Variants in TTC38 observed in about 807,000 individuals in gnomAD.
TTC38 encodes tetratricopeptide repeat protein 38.
A neutral mutation model predicts 64.2 loss-of-function variants in TTC38; 64 were observed. The ratio of observed to expected loss-of-function variants is 1.00; its 90% CI spans 0.81 to 1.23. The LOEUF (loss-of-function observed/expected upper bound fraction) is 1.23, where lower values mean the gene tolerates loss of function less well. Ranked by LOEUF, TTC38 falls within the 50% of genes most tolerant of loss-of-function variation. The pLI is 0.00. For synonymous variants in TTC38, 254 were observed against 249.3 expected, an observed-to-expected ratio of 1.02 and a Z score of -0.18; for missense variants, 573 against 615.5, an observed-to-expected ratio of 0.93 and a Z score of 0.73.
chr22:46,288,256 C>G (rs979270576), intron 10 of TTC38, among the ~76,000 whole-genome samples, 167 bp from the exon 11 acceptor site: 1 of 152,168 alleles, frequency 6.6e-6, no homozygotes, highest in Admixed American at 6.5e-5. Flanking sequence ...CTGATAGAGG[C>G]CTAAGCACAA....
At position 46,274,735 on chromosome 22, in the gene TTC38, GT is replaced by G. The variant is rs61369977; in HGVS notation, c.366-498del. 0.15 allele frequency among the ~76,000 whole-genome samples: 21,084 copies of G among 144,752 alleles called. 3,423 individuals are homozygous for G. Among genetic ancestry groups the G allele is most frequent in the African/African-American group, 0.41 (16,296 of 39,976 alleles). The allele number at this position is 144,752 out of a possible 152,430, so 95.0% of individuals were successfully genotyped here. On this transcript the variant is annotated intron_variant, in intron 4 of 13. Coordinates refer to ENST00000381031, the MANE Select transcript of TTC38 (RefSeq NM_017931.4). The surrounding 1 kb of genome is among the most constrained non-coding windows in gnomAD (Gnocchi z 4.8). ...TTATCTTTGGCAATTTGTTAAACCA[GT>G]TTTTTTTTTTTTTTAAATTGAACTA...
chr22:46,288,400 G>C (rs769018095), intron 10 of TTC38, 23 bp from the exon 11 acceptor site: 1 of 1,608,044 alleles, frequency 6.2e-7, no homozygotes, highest in Non-Finnish European at 8.5e-7. Context: ...TCCAGGCCCT[G>C]GGTCTCCTCC....
chr22:46,286,458 C>T (rs1202513423), intron 9 of TTC38, among the ~76,000 whole-genome samples: 4 of 152,112 alleles, frequency 2.6e-5, no homozygotes, highest in Non-Finnish European at 4.4e-5. Context: ...GTCAGGAGTT[C>T]GAGACCAACC....
In TTC38 at chr22:46,273,669, C is replaced by A. The variant is rs1012319770; in HGVS notation, c.194-229C>A. Among the ~76,000 whole-genome samples, 2 of 152,198 alleles carry A rather than the reference C, an allele frequency of 1.3e-5. No homozygotes were observed. Among genetic ancestry groups the A allele is most frequent in the Non-Finnish European group, 2.9e-5 (2 of 68,036 alleles). On this transcript the variant is annotated intron_variant, in intron 3 of 13. Transcript: ENST00000381031. The surrounding 1 kb of genome is among the most constrained non-coding windows in gnomAD (Gnocchi z 5.1). ...TTAGACACTGGCACTCAGCAGAATG[C>A]CCTCACTAGAAAAATGTTCAAGGGT...
rs1388817745 is a variant in TTC38, at chr22:46,289,559, C to A, written c.1240C>A (p.Gln414Lys). The A allele has an allele frequency of 1.3e-6, 2 of 1,577,710 alleles. No homozygotes were observed. Among genetic ancestry groups the A allele is most frequent in the Admixed American group, 3.5e-5 (2 of 57,516 alleles). Residue 414 changes from glutamine to lysine, a missense_variant and splice_region_variant, in exon 12 of 14, where the codon CAG becomes AAG. Gln to Lys is a moderately conservative substitution (Grantham distance 53, BLOSUM62 1). Around this residue, in one of 3 missense-constraint regions of TTC38, gnomAD observed 371 missense variants for 381.8 expected, o/e 0.97. Transcript: ENST00000381031. ...CGTCCAGCTCGGTGGGAGCAATGCC[C>A]AGGTGAGCCGATGGCCGCCAGCTGG... Reference protein sequence around the residue: ...RIVQLGGSNAQRDVFNQLLIH... With the variant: ...RIVQLGGSNAKRDVFNQLLIH...
In TTC38 at chr22:46,282,257, T is replaced by TA. The variant is rs1431013887; in HGVS notation, c.735+540dup. The TA allele has an allele frequency of 3.7e-6, 1 of 273,100 alleles. No homozygotes were observed. Among genetic ancestry groups the TA allele is most frequent in the African/African-American group, 2.2e-5 (1 of 44,596 alleles). 16.9% of individuals were successfully genotyped at this position (273,100 alleles called of 1,614,324 possible). A position where few individuals can be genotyped will look rare whatever the true frequency, so the allele number is the denominator to read the frequency against. On this transcript the variant is annotated intron_variant, in intron 7 of 13. Coordinates refer to ENST00000381031, the MANE Select transcript of TTC38 (RefSeq NM_017931.4). This position sits in a 1 kb window ranked among gnomAD's most constrained non-coding sequence, Gnocchi z 4.4. ...GCCTGTGAGGGAGAGGAGAGCTGCT[T>TA]ACTTTGGTGTCCTAGAGCCCAGGTA...
chr22:46,274,184 C>A lies in TTC38; in HGVS notation c.365+115C>A. The stretch of plus-strand genomic sequence containing the variant: ...GGGCGGGGTGGGAGAATGCTTCTCT[C>A]CCTGCCTCCTGAGATGCTCTGATGG... On this transcript the variant is annotated intron_variant, in intron 4 of 13. Coordinates refer to ENST00000381031, the MANE Select transcript of TTC38 (RefSeq NM_017931.4). This position sits in a 1 kb window ranked among gnomAD's most constrained non-coding sequence, Gnocchi z 4.8. 1 of 914,106 alleles carries A rather than the reference C, an allele frequency of 1.1e-6. No individual in the cohort carries two copies. Among genetic ancestry groups the A allele is most frequent in the Non-Finnish European group, 1.7e-6 (1 of 602,922 alleles). The allele number at this position is 914,106 out of a possible 1,614,324, so 56.6% of individuals were successfully genotyped here.
At chr22:46,289,991 C>T (rs145970371) in intron 13 of TTC38, 92 bp downstream of exon 13, 50 of 1,116,164 alleles carry the variant, frequency 4.5e-5, no homozygotes, top group Non-Finnish European at 6.3e-5. Context: ...ACCCTTGGCC[C>T]GAGATGCTCC....
At position 46,287,040 on chromosome 22, in the gene TTC38, C is replaced by T. The variant is rs368777746; in HGVS notation, c.835-33C>T. 6.2e-4 allele frequency: 961 copies of T among 1,560,904 alleles called. 12 individuals are homozygous for T. The South Asian group carries it at 9.0e-3, about 15-fold the overall frequency. On this transcript the variant is annotated intron_variant, in intron 9 of 13. Transcript: ENST00000381031. Reference sequence around the variant, plus strand: ...CTGCAGCCCCATCATCTGGGCCACCCGCTGAGCCCGCCTTGGCCGCCCTGT... The same window carrying T: ...CTGCAGCCCCATCATCTGGGCCACCTGCTGAGCCCGCCTTGGCCGCCCTGT...
intron 8 of TTC38, 130 bp downstream of exon 8, chr22:46,284,162 G>A: frequency 1.3e-6 from 1 of 752,378 alleles, no homozygotes; most frequent in South Asian, 1.6e-5. Context: ...CATTTCCAAA[G>A]AGCACTCTAG....
rs1403330667 is a variant in TTC38 at position 46,268,570 on chromosome 22, G to C, written c.90G>C (p.Leu30=). Reference sequence around the variant, plus strand: ...CCACAAGCAACGAAGCCTGCAAGCTGTTCGATGCCACGCTGACCCAGGTAT... The same window carrying C: ...CCACAAGCAACGAAGCCTGCAAGCTCTTCGATGCCACGCTGACCCAGGTAT... ...LSTTSNEACK[L]FDATLTQYVK... The change falls in exon 2 of 14, where the codon CTG becomes CTC. Residue 30 remains leucine (L), a synonymous_variant. Transcript: ENST00000381031. 9 of 1,613,920 alleles carry C rather than the reference G, an allele frequency of 5.6e-6. No homozygotes were observed. Among genetic ancestry groups the C allele is most frequent in the East Asian group, 2.2e-5 (1 of 44,902 alleles).
intron 2 of TTC38, chr22:46,269,054 A>G: frequency 2.5e-6 from 1 of 393,658 alleles, no homozygotes; most frequent in South Asian, 1.9e-5. Context: ...TGCACTTTGT[A>G]CTGGAGGACG....
In TTC38 at chr22:46,273,022, C is replaced by T. The variant is rs549632531; in HGVS notation, c.193+606C>T. On this transcript the variant is annotated intron_variant, in intron 3 of 13. Coordinates refer to ENST00000381031, the MANE Select transcript of TTC38 (RefSeq NM_017931.4). The surrounding 1 kb of genome is among the most constrained non-coding windows in gnomAD (Gnocchi z 5.1). ...TGAGGGGACAGGGCTCTTGTCAGTG[C>T]GGCAGGGACACCCTTCTCACCCTGC... 1.2e-4 allele frequency among the ~76,000 whole-genome samples: 19 copies of T among 152,270 alleles called. No individual in the cohort carries two copies. Among genetic ancestry groups the T allele is most frequent in the Middle Eastern group, 3.4e-3 (1 of 294 alleles).
At position 46,272,364 on chromosome 22, in the gene TTC38, C is replaced by T. The variant is rs368311656; in HGVS notation, c.141C>T (p.Leu47=). ...QYVKWTNDKS[L]GGIEGCLSKL... is the part of the protein sequence containing the mutation. ...TAAAATGGACCAATGACAAGAGTCT[C>T]GGTGGCATCGAGGGCTGCCTGTCAA... The change falls in exon 3 of 14, where the codon CTC becomes CTT. Residue 47 remains leucine, a synonymous_variant. Coordinates refer to ENST00000381031, the MANE Select transcript of TTC38 (RefSeq NM_017931.4). This position sits in a 1 kb window ranked among gnomAD's most constrained non-coding sequence, Gnocchi z 6.4. 19 of 1,613,748 alleles carry T rather than the reference C, an allele frequency of 1.2e-5. No individual in the cohort carries two copies. Among genetic ancestry groups the T allele is most frequent in the South Asian group, 6.6e-5 (6 of 91,064 alleles).
At chr22:46,288,302 G>A (rs560314524) in intron 10 of TTC38, 121 bp from the exon 11 acceptor site, 54 of 1,017,020 alleles carry the variant, frequency 5.3e-5, no homozygotes, top group Middle Eastern at 2.9e-4. Flanking sequence ...CCACCTCCCC[G>A]GCCTCTCACC....
Position 46,276,394 on chromosome 22 carries a change from T to C in TTC38, c.539+973T>C, listed in dbSNP as rs1431468226. 6.6e-6 allele frequency among the ~76,000 whole-genome samples: 1 copy of C among 152,126 alleles called. No individual in the cohort carries two copies. The highest frequency in any genetic ancestry group is 2.4e-5 in the African/African-American group (1 of 41,418). On this transcript the variant is annotated intron_variant, in intron 5 of 13. Coordinates refer to ENST00000381031, the MANE Select transcript of TTC38 (RefSeq NM_017931.4). The surrounding 1 kb of genome is among the most constrained non-coding windows in gnomAD (Gnocchi z 4.7). ...GCTTTACTCAAATCGCATCTAGAAA[T>C]ACCTTCACGAGACTGGGCACAGTGG...
Position 46,272,384 on chromosome 22 carries a change from T to C in TTC38, c.161T>C (p.Leu54Pro). 1 of 1,606,812 alleles carries C rather than the reference T, an allele frequency of 6.2e-7. No individual in the cohort carries two copies. Among genetic ancestry groups the C allele is most frequent in the Non-Finnish European group, 8.5e-7 (1 of 1,176,706 alleles). ...DKSLGGIEGC[L>P]SKLKAADPTF... ...AGTCTCGGTGGCATCGAGGGCTGCC[T>C]GTCAAAGCTCAAAGCAGCAGATCCA... Residue 54 changes from leucine to proline, a missense_variant, in exon 3 of 14, where the codon CTG (leucine) becomes CCG (proline). Physicochemically the swap from Leu to Pro is moderately conservative, Grantham distance 98. Around this residue, in one of 3 missense-constraint regions of TTC38, gnomAD observed 134 missense variants for 126.5 expected, o/e 1.06. Coordinates refer to ENST00000381031, the MANE Select transcript of TTC38 (RefSeq NM_017931.4). The surrounding 1 kb of genome is among the most constrained non-coding windows in gnomAD (Gnocchi z 6.4).
In TTC38 at chr22:46,268,026, C is replaced by T. The variant is rs1240698531; in HGVS notation, c.-14C>T. 6.5e-7 allele frequency: 1 copy of T among 1,534,560 alleles called. No homozygotes were observed. The highest frequency in any genetic ancestry group is 8.7e-7 in the Non-Finnish European group (1 of 1,146,944). Reference sequence around the variant, plus strand: ...GGTGCCCAGAGCTCGCGGTGGACTCCGACCCGGCGCAACATGGCCGCAGCC... The same window carrying T: ...GGTGCCCAGAGCTCGCGGTGGACTCTGACCCGGCGCAACATGGCCGCAGCC... On this transcript the variant is annotated 5_prime_UTR_variant, in exon 1 of 14. Transcript: ENST00000381031.
At chr22:46,289,989 C>T in intron 13 of TTC38, 90 bp downstream of exon 13, 2 of 1,160,028 alleles carry the variant, frequency 1.7e-6, no homozygotes, top group Non-Finnish European at 1.3e-6. Flanking sequence ...CCACCCTTGG[C>T]CCGAGATGCT....
Sources: gnomAD v4.1 joint callset for allele counts (sites outside exome capture counted in the v4.1 genomes callset) on GRCh38, gnomAD v4.1.1 for gene constraint, gnomAD v4.1.1 regional missense constraint, Gnocchi (gnomAD v3.1) non-coding constraint, MANE v1.5 for transcripts, NCBI Gene and HGNC (gene_info 2026-07-23, HGNC 2026-07-21) for gene names.